Variants in PCSK5 observed in about 807,000 individuals in gnomAD.
PCSK5 encodes proprotein convertase subtilisin/kexin type 5.
In PCSK5, 129 loss-of-function variants were observed where a neutral mutation model predicts 233.2. The ratio of observed to expected loss-of-function variants is 0.55; its 90% CI spans 0.48 to 0.64. The LOEUF (loss-of-function observed/expected upper bound fraction) is 0.64. Ranked by LOEUF, PCSK5 falls within the 30% of genes least tolerant of loss-of-function variation. PCSK5 has a pLI of 0.00. For synonymous variants in PCSK5, 825 were observed against 879.2 expected (o/e 0.94, Z 1.09); for missense variants, 2,076 against 2,430.1 (o/e 0.85, Z 3.06).
At chr9:76,268,593 C>T (rs893402650) in intron 24 of PCSK5, among the ~76,000 whole-genome samples, 2 of 152,264 alleles carry the variant, frequency 1.3e-5, no homozygotes, top group African/African-American at 2.4e-5. Flanking sequence ...CCTATAATCC[C>T]AACACTTTGG....
At chr9:76,019,233 T>C (rs974315990) in intron 3 of PCSK5, among the ~76,000 whole-genome samples, 2 of 150,880 alleles carry the variant, frequency 1.3e-5, no homozygotes, top group African/African-American at 4.9e-5. Context: ...AAACGGTAGT[T>C]ATATTTTCAC....
chr9:76,255,963 T>C (rs1446111293), intron 24 of PCSK5, among the ~76,000 whole-genome samples: 1 of 152,236 alleles, frequency 6.6e-6, no homozygotes, highest in Non-Finnish European at 1.5e-5. Flanking sequence ...TAGGACTGTC[T>C]GGCTCCAAAC....
At chr9:76,141,634 GCCT>G (rs1641643841) in intron 10 of PCSK5, among the ~76,000 whole-genome samples, 3 of 151,978 alleles carry the variant, frequency 2.0e-5, no homozygotes, top group Admixed American at 2.0e-4. Flanking sequence ...TCATCCTCTA[GCCT>G]CCTCCTGCTG....
intron 1 of PCSK5, among the ~76,000 whole-genome samples, chr9:75,906,485 A>C (rs543903414): frequency 6.6e-6 from 1 of 152,264 alleles, no homozygotes; most frequent in South Asian, 2.1e-4. Flanking sequence ...TCAGCCTCCC[A>C]AAGTGCTGGG....
intron 1 of PCSK5, among the ~76,000 whole-genome samples, chr9:75,904,841 T>C (rs76134623): frequency 0.017 from 2,613 of 152,314 alleles, 36 homozygotes; most frequent in South Asian, 0.034. Flanking sequence ...CACAAAATCT[T>C]GTAGATAAGT....
At chr9:76,181,186 TAG>T (rs1823855392) in intron 15 of PCSK5, among the ~76,000 whole-genome samples, 1 of 152,254 alleles carries the variant, frequency 6.6e-6, no homozygotes, top group Admixed American at 6.5e-5. Context: ...AAGTCCTTGG[TAG>T]ATTTGGTGTT....
chr9:76,348,116 A>C (rs1830025944), intron 35 of PCSK5, among the ~76,000 whole-genome samples: 1 of 151,462 alleles, frequency 6.6e-6, no homozygotes, highest in African/African-American at 2.4e-5. Context: ...ACAAAAAAAT[A>C]AACAAAATTT....
At chr9:76,221,075 T>C (rs1825715158) in intron 20 of PCSK5, among the ~76,000 whole-genome samples, 1 of 152,228 alleles carries the variant, frequency 6.6e-6, no homozygotes, top group African/African-American at 2.4e-5. Context: ...GAGTTCCTCT[T>C]AGGAACTTAC....
At chr9:76,196,486 G>A (rs1335413664) in intron 20 of PCSK5, among the ~76,000 whole-genome samples, 1 of 152,228 alleles carries the variant, frequency 6.6e-6, no homozygotes, top group East Asian at 1.9e-4. Flanking sequence ...TCTGAACCGT[G>A]CCTGAGATGC....
intron 24 of PCSK5, among the ~76,000 whole-genome samples, chr9:76,248,184 C>T (rs1221434024): frequency 1.3e-5 from 2 of 152,172 alleles, no homozygotes; most frequent in African/African-American, 4.8e-5. Flanking sequence ...CCCATTTCGG[C>T]CTCACAAAGT....
chr9:76,213,230 T>C (rs1376659075), intron 20 of PCSK5, among the ~76,000 whole-genome samples: 1 of 152,200 alleles, frequency 6.6e-6, no homozygotes, highest in African/African-American at 2.4e-5. Context: ...TAATGACCCA[T>C]GTATAAAATT....
chr9:76,056,738 A>T (rs1041483), intron 5 of PCSK5, among the ~76,000 whole-genome samples: 1 of 152,208 alleles, frequency 6.6e-6, no homozygotes, highest in Admixed American at 6.5e-5. Flanking sequence ...TTTCATGTTT[A>T]CTAGGGCTTT....
intron 24 of PCSK5, among the ~76,000 whole-genome samples, chr9:76,242,012 T>G (rs533268123): frequency 9.2e-4 from 140 of 152,344 alleles, no homozygotes; most frequent in African/African-American, 3.1e-3. Flanking sequence ...AGAACACTCA[T>G]GAAGTTACTA....
chr9:76,046,826 C>G (rs1448876135), intron 5 of PCSK5, among the ~76,000 whole-genome samples: 2 of 152,006 alleles, frequency 1.3e-5, no homozygotes, highest in Non-Finnish European at 2.9e-5. Context: ...TCCCAAAGTG[C>G]TGGGATTACA....
intron 2 of PCSK5, among the ~76,000 whole-genome samples, chr9:75,979,114 A>C (rs1368240545): frequency 2.0e-5 from 3 of 152,036 alleles, no homozygotes; most frequent in Admixed American, 1.3e-4. Context: ...TTGGCCTCCC[A>C]AAGTGCTGGG....
chr9:76,159,939 C>A (rs1415886587), intron 12 of PCSK5, among the ~76,000 whole-genome samples: 1 of 151,156 alleles, frequency 6.6e-6, no homozygotes, highest in Non-Finnish European at 1.5e-5. Context: ...TCCCCTACCT[C>A]AGCCTCCTGA....
chr9:76,006,203 A>C (rs1038433319), intron 3 of PCSK5, among the ~76,000 whole-genome samples: 1 of 152,050 alleles, frequency 6.6e-6, no homozygotes, highest in Non-Finnish European at 1.5e-5. Flanking sequence ...TTTAGGTGTT[A>C]GATTTTGCTT....
intron 3 of PCSK5, among the ~76,000 whole-genome samples, chr9:76,015,692 G>T (rs1188177529): frequency 2.0e-5 from 3 of 152,270 alleles, no homozygotes; most frequent in Non-Finnish European, 1.5e-5. Context: ...GACAACTTTA[G>T]GTGTTCTTAT....
intron 5 of PCSK5, among the ~76,000 whole-genome samples, chr9:76,039,809 C>T (rs1829016198): frequency 6.6e-6 from 1 of 152,146 alleles, no homozygotes; most frequent in African/African-American, 2.4e-5. Flanking sequence ...TCCAAAAAAA[C>T]TTTGGCTGCT....
Sources: allele counts gnomAD v4.1 joint callset (sites outside exome capture counted in the v4.1 genomes callset), GRCh38; gene constraint gnomAD v4.1.1; transcripts MANE v1.5; gene names NCBI Gene and HGNC (gene_info 2026-07-23, HGNC 2026-07-21).